Variants in ASMTL observed in about 807,000 individuals in gnomAD.
The protein encoded by ASMTL is acetylserotonin O-methyltransferase like, also known as probable bifunctional dTTP/UTP pyrophosphatase/methyltransferase protein.
A neutral mutation model predicts 60.3 loss-of-function variants in ASMTL; 57 were observed. The ratio of observed to expected loss-of-function variants is 0.95; its 90% CI spans 0.76 to 1.18. The LOEUF is 1.18. Ranked by LOEUF, ASMTL falls within the 50% of genes most tolerant of loss-of-function variation. The pLI, the probability that ASMTL is intolerant of heterozygous loss-of-function variation, is 0.00. For missense variants in ASMTL, 981 were observed against 852.6 expected (o/e 1.15, Z -1.88); for synonymous variants, 419 against 373.0 (o/e 1.12, Z -1.42).
chrX:1,420,006 T>C lies in ASMTL; in HGVS notation c.1246-892A>G, dbSNP rs112590312. 8.5e-4 allele frequency among the ~76,000 whole-genome samples: 123 copies of C among 143,870 alleles called. 1 individual carries two copies. Among genetic ancestry groups the C allele is most frequent in the African/African-American group, 2.9e-3 (119 of 40,472 alleles). 94.4% of individuals were successfully genotyped at this position (143,870 alleles called of 152,430 possible). On this transcript the variant is annotated intron_variant, in intron 9 of 12. Transcript: ENST00000381317. ...TTTCTCTCTCTCTGTTTCTGTCTCC[T>C]GTCTCTGTTTCTTTCTATCTCCCTC...
intron 12 of ASMTL, among the ~76,000 whole-genome samples, chrX:1,406,896 G>A (rs1257346794): frequency 5.3e-5 from 8 of 151,628 alleles, no homozygotes; most frequent in Non-Finnish European, 1.2e-4. Context: ...ATAGATGGTA[G>A]ATGATGGGTA....
intron 10 of ASMTL, among the ~76,000 whole-genome samples, chrX:1,418,333 C>T (rs1468040152): frequency 6.6e-6 from 1 of 151,950 alleles, no homozygotes; most frequent in African/African-American, 2.4e-5. Flanking sequence ...TCCTTCCAGC[C>T]CAGGGGTGGA....
chrX:1,405,161 G>GGT (rs1330686585), intron 12 of ASMTL, among the ~76,000 whole-genome samples: 3 of 125,542 alleles, frequency 2.4e-5, no homozygotes, highest in African/African-American at 8.5e-5. Context: ...GTGCATGGAT[G>GGT]AGATGGATGG....
intron 6 of ASMTL, among the ~76,000 whole-genome samples, chrX:1,428,949 T>C (rs1201494817): frequency 1.3e-5 from 2 of 151,482 alleles, no homozygotes; most frequent in Non-Finnish European, 2.9e-5. Context: ...CAGGCTGGAG[T>C]GCAGTGGCGC....
At chrX:1,450,429 C>CA (rs2091331613) in intron 1 of ASMTL, among the ~76,000 whole-genome samples, 1 of 151,658 alleles carries the variant, frequency 6.6e-6, no homozygotes, top group Non-Finnish European at 1.5e-5. Context: ...TCCCCTCCCC[C>CA]ACCCCTAGGG....
chrX:1,431,953 C>T (rs1211207050), intron 6 of ASMTL: 1 of 399,758 alleles, frequency 2.5e-6, no homozygotes, highest in Non-Finnish European at 4.5e-6. Flanking sequence ...GCGTCCTGGG[C>T]ACAGACCTCT....
chrX:1,428,337 A>G (rs1352802669), intron 6 of ASMTL, among the ~76,000 whole-genome samples: 1 of 148,120 alleles, frequency 6.8e-6, no homozygotes, highest in Non-Finnish European at 1.5e-5. Context: ...AAAAAAAAAA[A>G]AAGAAAAACA....
At chrX:1,405,972 GTAGA>G (rs1268978505) in intron 12 of ASMTL, among the ~76,000 whole-genome samples, 1 of 150,660 alleles carries the variant, frequency 6.6e-6, no homozygotes, top group African/African-American at 2.4e-5. Context: ...TGATGGGTAC[GTAGA>G]TAGATGAATG....
At chrX:1,416,385 GCA>G (rs761919176) in intron 11 of ASMTL, among the ~76,000 whole-genome samples, 5 of 117,250 alleles carry the variant, frequency 4.3e-5, no homozygotes, top group Admixed American at 1.8e-4. Flanking sequence ...GCACAGATGG[GCA>G]CACACACACA....
At chrX:1,435,593 C>G in intron 4 of ASMTL, 101 bp downstream of exon 4, 2 of 1,141,618 alleles carry the variant, frequency 1.8e-6, no homozygotes, top group South Asian at 1.3e-5. Flanking sequence ...GACGGCAGAG[C>G]TGACAGAGAT....
Position 1,412,914 on chromosome X carries a change from A to G in ASMTL, c.1523-60T>C. 7.5e-6 allele frequency: 12 copies of G among 1,600,708 alleles called. No individual in the cohort carries two copies. The South Asian group carries it at 1.1e-4, about 15-fold the overall frequency. On this transcript the variant is annotated intron_variant, in intron 11 of 12. Transcript: ENST00000381317. ...GTATGGAAGAAGCAGTCCTCCCCGGACAGATCCTGGGACGGCCACCCGCAT... is the reference window on the plus strand; with the variant it reads ...GTATGGAAGAAGCAGTCCTCCCCGGGCAGATCCTGGGACGGCCACCCGCAT...
chrX:1,415,034 G>A (rs183065898), intron 11 of ASMTL, among the ~76,000 whole-genome samples: 205 of 143,814 alleles, frequency 1.4e-3, no homozygotes, highest in African/African-American at 5.0e-3. Flanking sequence ...TCCGCCTCCC[G>A]GGTTCAAGCG....
intron 1 of ASMTL, among the ~76,000 whole-genome samples, chrX:1,446,259 C>G (rs1468878594): frequency 6.6e-6 from 1 of 152,120 alleles, no homozygotes; most frequent in African/African-American, 2.4e-5. Context: ...GTGACCTTAC[C>G]TATCATTGGA....
chrX:1,450,764 G>A (rs1160300366), intron 1 of ASMTL, among the ~76,000 whole-genome samples: 8 of 135,652 alleles, frequency 5.9e-5, no homozygotes, highest in Admixed American at 5.1e-4. Flanking sequence ...TAGGGTTCCC[G>A]GGTTACTCTC....
chrX:1,419,937 T>C (rs2090428270), intron 9 of ASMTL, among the ~76,000 whole-genome samples: 2 of 152,160 alleles, frequency 1.3e-5, no homozygotes, highest in African/African-American at 2.4e-5. Context: ...CCTTGGTCTC[T>C]GTCTGTCTGT....
chrX:1,427,922 C>A lies in ASMTL; in HGVS notation c.709G>T (p.Asp237Tyr). Residue 237 changes from aspartate to tyrosine, a missense_variant, in exon 7 of 13, where the codon GAC (aspartate) becomes TAC (tyrosine). By Grantham distance (160) the Asp-to-Tyr change is radical. Transcript: ENST00000381317. Reference sequence around the variant, plus strand: ...CCGCCCCCCTCCACGTCACTGAGGTCTTCGAAGGTGTCCGCGGCCGGGATG... The same window carrying A: ...CCGCCCCCCTCCACGTCACTGAGGTATTCGAAGGTGTCCGCGGCCGGGATG... ...DSIPAADTFE[D>Y]LSDVEGGGSE... 6.2e-7 allele frequency: 1 copy of A among 1,613,428 alleles called. No individual in the cohort carries two copies. The highest frequency in any genetic ancestry group is 2.2e-5 in the East Asian group (1 of 44,882).
intron 7 of ASMTL, 28 bp from the exon 8 acceptor site, chrX:1,425,715 A>C (rs1403838192): frequency 6.2e-7 from 1 of 1,609,068 alleles, no homozygotes; most frequent in Non-Finnish European, 8.5e-7. Context: ...AGAGAGACTC[A>C]TTAAGTCCCT....
At position 1,412,855 on chromosome X, in the gene ASMTL, C is replaced by A; in HGVS notation, c.1523-1G>T. On this transcript the variant is annotated splice_acceptor_variant, in intron 11 of 12. Coordinates refer to ENST00000381317, the MANE Select transcript of ASMTL (RefSeq NM_004192.4). LOFTEE classifies it high-confidence loss of function. ...GGGAGGGGGTCCCTGAAAAAGTCACCTGGTTTAAAGACAAAACGAGATACG... is the reference window on the plus strand; with the variant it reads ...GGGAGGGGGTCCCTGAAAAAGTCACATGGTTTAAAGACAAAACGAGATACG... 1 of 1,613,844 alleles carries A rather than the reference C, an allele frequency of 6.2e-7. No homozygotes were observed. Among genetic ancestry groups the A allele is most frequent in the African/African-American group, 1.3e-5 (1 of 75,006 alleles).
intron 6 of ASMTL, among the ~76,000 whole-genome samples, chrX:1,429,220 AT>A (rs1399945290): frequency 1.8e-3 from 234 of 131,098 alleles, no homozygotes; most frequent in African/African-American, 5.3e-3. Flanking sequence ...TATTTTATCT[AT>A]TTTTTTTTTT....
Sources: allele counts gnomAD v4.1 joint callset (sites outside exome capture counted in the v4.1 genomes callset), GRCh38; gene constraint gnomAD v4.1.1; transcripts MANE v1.5; gene names NCBI Gene and HGNC (gene_info 2026-07-23, HGNC 2026-07-21).